The following ABI1 variants were observed in gnomAD, a reference collection of about 807,000 sequenced individuals.
The protein encoded by ABI1 is abl interactor 1, also known as Abelson interactor 1.
A neutral mutation model predicts 54.6 loss-of-function variants in ABI1; 14 were observed. That is an observed-to-expected ratio of 0.26 (90% CI 0.17 to 0.40). ABI1 has a LOEUF of 0.40. Ranked by LOEUF, ABI1 falls within the 10% of genes least tolerant of loss-of-function variation. ABI1 has a pLI of 1.00. For missense variants in ABI1, 443 were observed against 598.3 expected (o/e 0.74, Z 2.71); for synonymous variants, 194 against 209.3 (o/e 0.93, Z 0.63).
intron 2 of ABI1, among the ~76,000 whole-genome samples, chr10:26,810,802 T>A (rs992476376): frequency 2.0e-5 from 3 of 149,590 alleles, no homozygotes; most frequent in Non-Finnish European, 4.4e-5. Flanking sequence ...GAGAGTTTAG[T>A]ACACCTGTTC....
chr10:26,845,680 C>A (rs1564577284), intron 1 of ABI1, among the ~76,000 whole-genome samples: 1 of 152,154 alleles, frequency 6.6e-6, no homozygotes, highest in African/African-American at 2.4e-5. Flanking sequence ...CATACCACCA[C>A]ATCATAATAC....
rs2306236 is a variant in ABI1, at chr10:26,759,148, C to T, written c.911G>A (p.Gly304Asp). The change falls in exon 8 of 11, where the codon GGT (glycine) becomes GAT (aspartate). Residue 304 changes from glycine (G) to aspartate (D), a missense_variant. Gly to Asp is a moderately conservative substitution (Grantham distance 94). Coordinates refer to ENST00000376140, the MANE Select transcript of ABI1 (RefSeq NM_001012750.3). ...CACAGAGGGAGTTCGTCTGTATCCA[C>T]CAGAAGATGTCGAAGAAGTAGTAGA... ...HNSTTSSTSS[G>D]GYRRTPSVTA... 1 of 1,614,044 alleles carries T rather than the reference C, an allele frequency of 6.2e-7. No individual in the cohort carries two copies. Among genetic ancestry groups the T allele is most frequent in the South Asian group, 1.1e-5 (1 of 91,082 alleles).
chr10:26,773,212 A>ATTTTTTTTTTTTTTTTTTTTTTTTTTTT (rs1342694391), intron 3 of ABI1, among the ~76,000 whole-genome samples: 4 of 63,364 alleles, frequency 6.3e-5, no homozygotes, highest in Admixed American at 1.7e-4. Context: ...TCTAATGCTA[A>ATTTTTTTTTTTTTTTTTTTTTTTTTTTT]TTCTTTTTTT....
chr10:26,843,969 A>T (rs1326934715), intron 1 of ABI1, among the ~76,000 whole-genome samples: 3 of 152,242 alleles, frequency 2.0e-5, no homozygotes, highest in African/African-American at 7.2e-5. Context: ...ACAAATGAAC[A>T]GAATATGTCA....
Position 26,828,813 on chromosome 10 carries a change from G to A in ABI1, c.118-5508C>T, listed in dbSNP as rs182136622. 5.1e-3 allele frequency among the ~76,000 whole-genome samples: 779 copies of A among 152,296 alleles called. 1 individual carries two copies. The highest frequency in any genetic ancestry group is 7.9e-3 in the Non-Finnish European group (536 of 68,016). Reference sequence around the variant, plus strand: ...CGATACTGTTATTTGCATAGGGTGGGATATAGCAAATCATTAATTATGTCA... The same window carrying A: ...CGATACTGTTATTTGCATAGGGTGGAATATAGCAAATCATTAATTATGTCA... On this transcript the variant is annotated intron_variant, in intron 1 of 10. Transcript: ENST00000376140.
At chr10:26,750,651 C>T (rs1837506675) in intron 10 of ABI1, among the ~76,000 whole-genome samples, 1 of 149,064 alleles carries the variant, frequency 6.7e-6, no homozygotes. Flanking sequence ...TCAAAGGCAA[C>T]CAAAAGTGTT....
chr10:26,758,749 G>T (rs1369619249), intron 8 of ABI1, among the ~76,000 whole-genome samples: 1 of 152,074 alleles, frequency 6.6e-6, no homozygotes, highest in Admixed American at 6.5e-5. Context: ...GTTTATTTCT[G>T]CAATGTTTTT....
At chr10:26,779,097 A>G (rs1448465024) in intron 2 of ABI1, among the ~76,000 whole-genome samples, 1 of 152,204 alleles carries the variant, frequency 6.6e-6, no homozygotes, top group Non-Finnish European at 1.5e-5. Flanking sequence ...ACAAGGATAA[A>G]TCTCAGGACC....
In ABI1 at chr10:26,860,832, T is replaced by G. The variant is rs952078723; in HGVS notation, c.32A>C (p.Glu11Ala). ...CAGCGCCCTCTTGCCAGACGGGATCTCCTCCTCTAGTAACATCTGCAGCTC... is the reference window on the plus strand; with the variant it reads ...CAGCGCCCTCTTGCCAGACGGGATCGCCTCCTCTAGTAACATCTGCAGCTC... MAELQMLLEE[E>A]IPSGKRALIE... The change falls in exon 1 of 11, where the codon GAG becomes GCG. Residue 11 changes from glutamate to alanine, a missense_variant. Coordinates refer to ENST00000376140, the MANE Select transcript of ABI1 (RefSeq NM_001012750.3). The surrounding 1 kb of genome is among the most constrained non-coding windows in gnomAD (Gnocchi z 4.1). 1 of 1,614,108 alleles carries G rather than the reference T, an allele frequency of 6.2e-7. No homozygotes were observed.
At chr10:26,754,776 G>A (rs532599978) in intron 9 of ABI1, among the ~76,000 whole-genome samples, 2 of 152,218 alleles carry the variant, frequency 1.3e-5, no homozygotes, top group African/African-American at 4.8e-5. Flanking sequence ...ACCATCAACA[G>A]CTTTTCTAGC....
At chr10:26,818,619 G>A (rs919004140) in intron 2 of ABI1, among the ~76,000 whole-genome samples, 1 of 103,570 alleles carries the variant, frequency 9.7e-6, no homozygotes, top group African/African-American at 4.5e-5. Context: ...ACAACAAAGC[G>A]AGACCCCGTC....
In ABI1 at chr10:26,860,913, C is replaced by T; in HGVS notation, c.-50G>A. The T allele has an allele frequency of 1.3e-6, 2 of 1,559,816 alleles. No individual in the cohort carries two copies. The highest frequency in any genetic ancestry group is 1.4e-5 in the African/African-American group (1 of 73,994). ...TCTCGCGTTAAAGAGACAGAGGCAG[C>T]AAGGTCCGCCGAGGCTCCGAGCACC... On this transcript the variant is annotated 5_prime_UTR_variant, in exon 1 of 11. Coordinates refer to ENST00000376140, the MANE Select transcript of ABI1 (RefSeq NM_001012750.3). The surrounding 1 kb of genome is among the most constrained non-coding windows in gnomAD (Gnocchi z 4.1).
At chr10:26,783,280 A>G (rs1441455864) in intron 2 of ABI1, among the ~76,000 whole-genome samples, 1 of 152,198 alleles carries the variant, frequency 6.6e-6, no homozygotes, top group East Asian at 1.9e-4. Flanking sequence ...AAATGGAGAT[A>G]GTGTTTGCCT....
At chr10:26,852,445 C>T (rs537686245) in intron 1 of ABI1, among the ~76,000 whole-genome samples, 1 of 152,280 alleles carries the variant, frequency 6.6e-6, no homozygotes, top group Admixed American at 6.5e-5. Context: ...TGCCATTATA[C>T]TCTAGCCTGG....
intron 3 of ABI1, among the ~76,000 whole-genome samples, chr10:26,773,107 A>T (rs1053548171): frequency 5.9e-5 from 9 of 151,448 alleles, no homozygotes; most frequent in Non-Finnish European, 1.2e-4. Flanking sequence ...TGGATGAGTA[A>T]TTTTACCATT....
chr10:26,855,500 ATATG>A (rs1564592840), intron 1 of ABI1, among the ~76,000 whole-genome samples: 2 of 152,216 alleles, frequency 1.3e-5, no homozygotes, highest in African/African-American at 4.8e-5. Flanking sequence ...TAATTTCCTC[ATATG>A]TAAGACAGCA....
At chr10:26,845,674 C>A (rs559803742) in intron 1 of ABI1, among the ~76,000 whole-genome samples, 57 of 152,220 alleles carry the variant, frequency 3.7e-4, no homozygotes, top group African/African-American at 1.3e-3. Flanking sequence ...AGACATCATA[C>A]CACCACATCA....
chr10:26,765,334 A>G lies in ABI1; in HGVS notation c.720-16T>C. The G allele has an allele frequency of 1.3e-6, 2 of 1,540,476 alleles. No individual in the cohort carries two copies. Among genetic ancestry groups the G allele is most frequent in the Non-Finnish European group, 1.8e-6 (2 of 1,140,736 alleles). On this transcript the variant is annotated splice_polypyrimidine_tract_variant and intron_variant, in intron 6 of 10. Transcript: ENST00000376140. ...ACTACTTCCACTGAAAAGAAAAAAA[A>G]AAACTGTGAAAAACCAATTCTAGAG...
rs572767299 is a variant in ABI1 at position 26,760,690 on chromosome 10, G to A, written c.821-1452C>T. ...GGATCACCTGAGGTCAGGAGTTTGAGACCAGCCTGGCCATCATGGCGAAAA... is the reference window on the plus strand; with the variant it reads ...GGATCACCTGAGGTCAGGAGTTTGAAACCAGCCTGGCCATCATGGCGAAAA... On this transcript the variant is annotated intron_variant, in intron 7 of 10. Coordinates refer to ENST00000376140, the MANE Select transcript of ABI1 (RefSeq NM_001012750.3). Among the ~76,000 whole-genome samples the A allele has an allele frequency of 1.4e-4, 21 of 152,118 alleles. No individual in the cohort carries two copies. The South Asian group carries it at 4.4e-3, about 32-fold the overall frequency.
Sources: gnomAD v4.1 joint callset for allele counts (sites outside exome capture counted in the v4.1 genomes callset) on GRCh38, gnomAD v4.1.1 for gene constraint, Gnocchi (gnomAD v3.1) non-coding constraint, MANE v1.5 for transcripts, NCBI Gene and HGNC (gene_info 2026-07-23, HGNC 2026-07-21) for gene names.